ZNF92: variants seen among roughly 807,000 people sequenced by gnomAD.
ZNF92 encodes zinc finger protein 92.
Under a neutral mutation model 12.4 loss-of-function variants are expected in ZNF92, and 11 were observed. The ratio of observed to expected loss-of-function variants is 0.89; its 90% CI spans 0.56 to 1.47. The LOEUF is 1.47. ZNF92 is among the 40% of genes most tolerant of loss of function. ZNF92 has a pLI of 0.00. For missense variants in ZNF92, 622 were observed against 681.0 expected, an observed-to-expected ratio of 0.91 and a Z score of 0.96; for synonymous variants, 206 against 228.6, an observed-to-expected ratio of 0.90 and a Z score of 0.89.
intron 1 of ZNF92, among the ~76,000 whole-genome samples, chr7:65,380,295 C>T (rs912809897): frequency 3.3e-5 from 5 of 152,086 alleles, no homozygotes; most frequent in Non-Finnish European, 5.9e-5. Context: ...GGGTCTCACT[C>T]TGTCGCCCAG....
At position 65,388,790 on chromosome 7, in the gene ZNF92, AT is replaced by A; in HGVS notation, c.131-11del. The A allele has an allele frequency of 6.4e-7, 1 of 1,560,978 alleles. No homozygotes were observed. The highest frequency in any genetic ancestry group is 8.7e-7 in the Non-Finnish European group (1 of 1,147,856). ...AATATGAGCAAGATTTATGTTATTT[AT>A]TTTTAATAAAACAGGTATTGCTGTC... On this transcript the variant is annotated splice_polypyrimidine_tract_variant and intron_variant, in intron 2 of 3. Transcript: ENST00000328747.
rs557193676 is a variant in ZNF92, at chr7:65,379,029, C to T, written c.3+5029C>T. On this transcript the variant is annotated intron_variant, in intron 1 of 3. Coordinates refer to ENST00000328747, the MANE Select transcript of ZNF92 (RefSeq NM_152626.4). ...TACATTTTTTCCATTTGACTTTTCC[C>T]GGGTTGTATCATTTATAATAAACTG... Among the ~76,000 whole-genome samples the T allele has an allele frequency of 6.6e-4, 100 of 151,628 alleles. 1 individual carries two copies. Among genetic ancestry groups the T allele is most frequent in the African/African-American group, 2.4e-3 (97 of 41,228 alleles).
At chr7:65,374,133 G>C (rs1189418462) in intron 1 of ZNF92, 133 bp downstream of exon 1, 2 of 1,286,064 alleles carry the variant, frequency 1.6e-6, no homozygotes, top group South Asian at 1.3e-5. Context: ...CCTTGGCGCA[G>C]CTCGGCCCTC....
At chr7:65,395,969 TG>T (rs1793838797) in intron 3 of ZNF92, among the ~76,000 whole-genome samples, 1 of 152,118 alleles carries the variant, frequency 6.6e-6, no homozygotes, top group Admixed American at 6.6e-5. Context: ...TGGTTTGCAG[TG>T]GTGTGATCAT....
At chr7:65,397,677 T>G (rs1237289828) in intron 3 of ZNF92, among the ~76,000 whole-genome samples, 1 of 152,112 alleles carries the variant, frequency 6.6e-6, no homozygotes, top group Non-Finnish European at 1.5e-5. Context: ...GGCTAGAGAT[T>G]CCGGGAGTCT....
intron 3 of ZNF92, among the ~76,000 whole-genome samples, chr7:65,390,127 A>T (rs982251371): frequency 6.6e-6 from 1 of 152,110 alleles, no homozygotes; most frequent in Non-Finnish European, 1.5e-5. Context: ...TTTTAAGTGT[A>T]TGGAACCATA....
At chr7:65,387,635 C>A (rs983476894) in intron 1 of ZNF92, among the ~76,000 whole-genome samples, 2 of 151,670 alleles carry the variant, frequency 1.3e-5, no homozygotes, top group African/African-American at 4.8e-5. Flanking sequence ...TGTGTTCATG[C>A]CCTTAATTTT....
chr7:65,384,333 C>T (rs1240834481), intron 1 of ZNF92, among the ~76,000 whole-genome samples: 2 of 152,028 alleles, frequency 1.3e-5, no homozygotes, highest in Non-Finnish European at 2.9e-5. Flanking sequence ...CCTCTCCCTG[C>T]CCCATTTCTG....
chr7:65,387,837 A>C, intron 1 of ZNF92, 65 bp from the exon 2 acceptor site: 1 of 1,479,556 alleles, frequency 6.8e-7, no homozygotes, highest in Non-Finnish European at 9.0e-7. Flanking sequence ...AAGTCAAATA[A>C]AAAATTCTGC....
In ZNF92 at chr7:65,384,892, C is replaced by T. The variant is rs543722573; in HGVS notation, c.4-3010C>T. Among the ~76,000 whole-genome samples the T allele has an allele frequency of 2.0e-4, 30 of 152,240 alleles. No individual in the cohort carries two copies. In the East Asian group the frequency reaches 5.6e-3, roughly 28 times the overall value. ...TAACATACTCTTGAGGACATAGTAC[C>T]TGTTTAATAAACATTGCATTAGTGC... On this transcript the variant is annotated intron_variant, in intron 1 of 3. Transcript: ENST00000328747.
chr7:65,396,437 A>C (rs1793848628), intron 3 of ZNF92, among the ~76,000 whole-genome samples: 1 of 152,024 alleles, frequency 6.6e-6, no homozygotes. Flanking sequence ...TAAAGTTAAA[A>C]CATTTTCTAG....
Position 65,399,884 on chromosome 7 carries a change from AC to A in ZNF92, c.*10del. The A allele has an allele frequency of 6.4e-7, 1 of 1,550,700 alleles. No homozygotes were observed. Among genetic ancestry groups the A allele is most frequent in the Non-Finnish European group, 8.7e-7 (1 of 1,152,012 alleles). ...AGAAACTACAAACCTGAAAGATGTG[AC>A]AATGATTTTCACTACACCTCAAACT... On this transcript the variant is annotated 3_prime_UTR_variant, in exon 4 of 4. Coordinates refer to ENST00000328747, the MANE Select transcript of ZNF92 (RefSeq NM_152626.4).
At position 65,398,561 on chromosome 7, in the gene ZNF92, A is replaced by G. The variant is rs1793908029; in HGVS notation, c.447A>G (p.Lys149=). Reference sequence around the variant, plus strand: ...ACAGCAAGATATTTCAGTGTGATAAATATGTGAAAGTCTTTCATAAATTTC... The same window carrying G: ...ACAGCAAGATATTTCAGTGTGATAAGTATGTGAAAGTCTTTCATAAATTTC... ...TTDSKIFQCD[K]YVKVFHKFPN... is the part of the protein sequence containing the mutation. The change falls in exon 4 of 4, where the codon AAA becomes AAG. Residue 149 remains lysine (K), a synonymous_variant. Coordinates refer to ENST00000328747, the MANE Select transcript of ZNF92 (RefSeq NM_152626.4). The G allele has an allele frequency of 6.2e-7, 1 of 1,609,558 alleles. No individual in the cohort carries two copies. Among genetic ancestry groups the G allele is most frequent in the Admixed American group, 1.7e-5 (1 of 58,826 alleles).
At chr7:65,375,632 C>G (rs1395810316) in intron 1 of ZNF92, among the ~76,000 whole-genome samples, 1 of 151,858 alleles carries the variant, frequency 6.6e-6, no homozygotes, top group Non-Finnish European at 1.5e-5. Context: ...ACAACAAAAC[C>G]TGACCTGGAG....
Position 65,399,312 on chromosome 7 carries a change from G to A in ZNF92, c.1198G>A (p.Glu400Lys), listed in dbSNP as rs1286046630. 2 of 1,613,030 alleles carry A rather than the reference G, an allele frequency of 1.2e-6. No individual in the cohort carries two copies. Among genetic ancestry groups the A allele is most frequent in the South Asian group, 2.2e-5 (2 of 90,968 alleles). Residue 400 changes from glutamate (E) to lysine (K), a missense_variant, in exon 4 of 4, where the codon GAA (glutamate) becomes AAA (lysine). Physicochemically the swap from Glu to Lys is moderately conservative, Grantham distance 56. Coordinates refer to ENST00000328747, the MANE Select transcript of ZNF92 (RefSeq NM_152626.4). ...TACGGGAGAAAAACCCTACAAATGT[G>A]AAGAATGTGGCAAAGCTTTTAAACA... is the stretch of plus-strand genomic sequence containing the variant. Reference protein sequence around the residue: ...IHTGEKPYKCEECGKAFKQSS... With the variant: ...IHTGEKPYKCKECGKAFKQSS...
intron 1 of ZNF92, 74 bp from the exon 2 acceptor site, chr7:65,387,828 A>C: frequency 6.8e-7 from 1 of 1,464,488 alleles, no homozygotes; most frequent in Non-Finnish European, 9.0e-7. Flanking sequence ...TTTCACCTTA[A>C]GTCAAATAAA....
chr7:65,394,893 G>A (rs9638442), intron 3 of ZNF92, among the ~76,000 whole-genome samples: 2 of 151,854 alleles, frequency 1.3e-5, no homozygotes, highest in South Asian at 2.1e-4. Context: ...TGATCCACCC[G>A]CCTTGGCCTC....
At position 65,383,879 on chromosome 7, in the gene ZNF92, C is replaced by G. The variant is rs549349713; in HGVS notation, c.4-4023C>G. ...ATCACTGAGAACCCTCTCACAATCA[C>G]CTAGGCATCTTTGAAACATTTGAGG... On this transcript the variant is annotated intron_variant, in intron 1 of 3. Coordinates refer to ENST00000328747, the MANE Select transcript of ZNF92 (RefSeq NM_152626.4). Among the ~76,000 whole-genome samples, 86 of 152,204 alleles carry G rather than the reference C, an allele frequency of 5.7e-4. 1 individual carries two copies. Among genetic ancestry groups the G allele is most frequent in the African/African-American group, 2.0e-3 (83 of 41,532 alleles).
chr7:65,374,341 GT>G (rs1046980245), intron 1 of ZNF92, among the ~76,000 whole-genome samples: 2 of 152,124 alleles, frequency 1.3e-5, no homozygotes, highest in Non-Finnish European at 2.9e-5. Flanking sequence ...GGGGTGCGGG[GT>G]TTATGAATGG....
Sources: gnomAD v4.1 joint callset for allele counts (sites outside exome capture counted in the v4.1 genomes callset) on GRCh38, gnomAD v4.1.1 for gene constraint, MANE v1.5 for transcripts, NCBI Gene and HGNC (gene_info 2026-07-23, HGNC 2026-07-21) for gene names.